Variants in TBC1D22A observed in about 807,000 individuals in gnomAD.
TBC1D22A encodes TBC1 domain family member 22A.
In TBC1D22A, 38 loss-of-function variants were observed where a neutral mutation model predicts 60.2. The observed-to-expected ratio is 0.63, with a 90% CI of 0.49 to 0.83. TBC1D22A has a LOEUF of 0.83. TBC1D22A is among the 40% of genes least tolerant of loss of function. The pLI is 0.00. For synonymous variants in TBC1D22A, 302 were observed against 281.7 expected (o/e 1.07, Z -0.72); for missense variants, 628 against 701.0 (o/e 0.90, Z 1.18).
At chr22:46,999,243 G>T (rs542562720) in intron 10 of TBC1D22A, among the ~76,000 whole-genome samples, 1 of 152,344 alleles carries the variant, frequency 6.6e-6, no homozygotes, top group South Asian at 2.1e-4. Flanking sequence ...TTGTTTAAGA[G>T]AGCAGCAGCG....
intron 8 of TBC1D22A, among the ~76,000 whole-genome samples, chr22:46,952,157 T>C (rs1372388167): frequency 7.3e-6 from 1 of 137,448 alleles, no homozygotes; most frequent in African/African-American, 2.6e-5. Context: ...GTTGACACTT[T>C]GCAGCCATCA....
At chr22:47,149,619 G>A (rs907798111) in intron 12 of TBC1D22A, among the ~76,000 whole-genome samples, 1 of 152,238 alleles carries the variant, frequency 6.6e-6, no homozygotes, top group African/African-American at 2.4e-5. Context: ...GCCCTGCCCC[G>A]GGAGCTCACA....
intron 4 of TBC1D22A, among the ~76,000 whole-genome samples, chr22:46,847,933 G>A (rs969623745): frequency 1.6e-5 from 2 of 123,674 alleles, no homozygotes; most frequent in African/African-American, 3.3e-5. Flanking sequence ...GTGTGTGTGT[G>A]TGTGTGTGTG....
rs189166557 is a variant in TBC1D22A, at chr22:47,099,934, G to A, written c.1330-11574G>A. ...CCCTTCCAGCCCTGGTGTTTGACAC[G>A]GGCCCCAAACAGTGAGGGCCTCGAG... On this transcript the variant is annotated intron_variant, in intron 11 of 12. Transcript: ENST00000337137. Among the ~76,000 whole-genome samples, 3 of 152,296 alleles carry A rather than the reference G, an allele frequency of 2.0e-5. No homozygotes were observed. In the South Asian group the frequency reaches 6.2e-4, roughly 32 times the overall value.
intron 8 of TBC1D22A, among the ~76,000 whole-genome samples, chr22:46,917,790 G>A (rs1181511326): frequency 6.6e-6 from 1 of 152,104 alleles, no homozygotes; most frequent in Non-Finnish European, 1.5e-5. Context: ...GCTCTCTGAT[G>A]TGTCAGGGGT....
chr22:46,983,779 A>G (rs2148175627), intron 9 of TBC1D22A, among the ~76,000 whole-genome samples: 1 of 151,982 alleles, frequency 6.6e-6, no homozygotes, highest in South Asian at 2.1e-4. Context: ...AAAAAAAATA[A>G]TTTGGTGGGC....
intron 11 of TBC1D22A, among the ~76,000 whole-genome samples, chr22:47,083,211 T>C (rs2064541138): frequency 7.4e-6 from 1 of 135,944 alleles, no homozygotes; most frequent in South Asian, 2.6e-4. Flanking sequence ...TATATCTTGA[T>C]AGGGATGTGG....
intron 4 of TBC1D22A, among the ~76,000 whole-genome samples, chr22:46,811,125 G>A (rs1392300354): frequency 1.3e-5 from 2 of 152,186 alleles, no homozygotes; most frequent in African/African-American, 4.8e-5. Flanking sequence ...AGTGGGCATC[G>A]GATATTTGAT....
At chr22:46,828,403 A>G (rs2086163111) in intron 4 of TBC1D22A, among the ~76,000 whole-genome samples, 1 of 152,232 alleles carries the variant, frequency 6.6e-6, no homozygotes, top group Non-Finnish European at 1.5e-5. Flanking sequence ...TGTCCACTTG[A>G]AGAACTACCT....
intron 4 of TBC1D22A, among the ~76,000 whole-genome samples, chr22:46,812,573 G>A (rs1471956366): frequency 6.6e-6 from 1 of 152,200 alleles, no homozygotes; most frequent in Non-Finnish European, 1.5e-5. Flanking sequence ...GGGGACTGCC[G>A]CCTTTCTGCT....
At chr22:46,913,767 G>A (rs2070137385) in intron 8 of TBC1D22A, 1 of 985,124 alleles carries the variant, frequency 1.0e-6, no homozygotes, top group Admixed American at 6.1e-5. Context: ...TTTAATTAAT[G>A]TGGTAAATAA....
At chr22:46,766,891 T>G (rs1158063784) in intron 1 of TBC1D22A, among the ~76,000 whole-genome samples, 3 of 152,154 alleles carry the variant, frequency 2.0e-5, no homozygotes, top group African/African-American at 7.2e-5. Flanking sequence ...TGCATCAAAC[T>G]CAGTGTTGTT....
At chr22:47,030,072 G>A (rs1263645881) in intron 10 of TBC1D22A, among the ~76,000 whole-genome samples, 1 of 152,236 alleles carries the variant, frequency 6.6e-6, no homozygotes, top group Non-Finnish European at 1.5e-5. Context: ...TCAGAGTGGG[G>A]GGCCTCTTGG....
intron 9 of TBC1D22A, among the ~76,000 whole-genome samples, chr22:46,988,842 C>G (rs1569308665): frequency 6.6e-6 from 1 of 152,164 alleles, no homozygotes; most frequent in Non-Finnish European, 1.5e-5. Context: ...GCTGGTCCTT[C>G]GAAGCTTTGA....
At chr22:47,134,796 A>T (rs557501207) in intron 12 of TBC1D22A, among the ~76,000 whole-genome samples, 1 of 152,296 alleles carries the variant, frequency 6.6e-6, no homozygotes, top group African/African-American at 2.4e-5. Flanking sequence ...TTCTGATGTG[A>T]CAACCGAGCA....
At chr22:46,904,576 C>T (rs1242039292) in intron 7 of TBC1D22A, among the ~76,000 whole-genome samples, 2 of 151,764 alleles carry the variant, frequency 1.3e-5, no homozygotes, top group East Asian at 3.9e-4. Flanking sequence ...TCAAGCCATT[C>T]TCCTGCCTCA....
chr22:46,958,945 A>G (rs1212146673), intron 8 of TBC1D22A, among the ~76,000 whole-genome samples: 2 of 152,156 alleles, frequency 1.3e-5, no homozygotes, highest in Non-Finnish European at 2.9e-5. Flanking sequence ...GACACAATAC[A>G]CCATGCTCAT....
At chr22:46,769,543 C>T (rs1352788599) in intron 1 of TBC1D22A, among the ~76,000 whole-genome samples, 2 of 152,164 alleles carry the variant, frequency 1.3e-5, no homozygotes, top group Admixed American at 1.3e-4. Flanking sequence ...TACACAGGTC[C>T]CGCTTCCGCC....
intron 11 of TBC1D22A, among the ~76,000 whole-genome samples, chr22:47,107,962 T>G (rs1266512502): frequency 6.6e-6 from 1 of 152,224 alleles, no homozygotes; most frequent in Admixed American, 6.5e-5. Context: ...AGGCAATGAT[T>G]TTTTAGATAA....
Sources: gnomAD v4.1 joint callset for allele counts (sites outside exome capture counted in the v4.1 genomes callset) on GRCh38, gnomAD v4.1.1 for gene constraint, MANE v1.5 for transcripts, NCBI Gene and HGNC (gene_info 2026-07-23, HGNC 2026-07-21) for gene names.